Variants in TMEM254 observed in about 807,000 individuals in gnomAD.
TMEM254 encodes the protein transmembrane protein 254, also known as transmembrane protein C10orf57.
In TMEM254, 16 loss-of-function variants were observed where a neutral mutation model predicts 13.9. The observed-to-expected ratio is 1.15, with a 90% CI of 0.78 to 1.75. TMEM254 has a LOEUF of 1.75. TMEM254 is among the 40% of genes most tolerant of loss of function. The probability of loss-of-function intolerance (pLI) is 0.00; values close to 1 mark genes in which losing one functional copy is unlikely to be tolerated. For synonymous variants in TMEM254, 61 were observed against 56.4 expected (o/e 1.08, Z -0.36); for missense variants, 155 against 149.0 (o/e 1.04, Z -0.21).
rs182054597 is a variant in TMEM254 at position 80,086,331 on chromosome 10, C to T, written c.251+4127C>T. On this transcript the variant is annotated intron_variant, in intron 3 of 3. Coordinates refer to ENST00000372281, the MANE Select transcript of TMEM254 (RefSeq NM_025125.4). ...CGGGTTACCTAGCCACCAACTGTGACCCTTCTGAAGGAGGAGGAAACAAGC... is the reference window on the plus strand; with the variant it reads ...CGGGTTACCTAGCCACCAACTGTGATCCTTCTGAAGGAGGAGGAAACAAGC... The T allele has an allele frequency of 2.2e-3, 2,574 of 1,184,382 alleles. 7 individuals are homozygous for T. The highest frequency in any genetic ancestry group is 2.5e-3 in the Non-Finnish European group (2,255 of 893,366). The allele number at this position is 1,184,382 out of a possible 1,614,324, so 73.4% of individuals were successfully genotyped here.
At chr10:80,090,460 G>A (rs1291761457) in intron 3 of TMEM254, 1 of 716,440 alleles carries the variant, frequency 1.4e-6, no homozygotes, top group South Asian at 1.5e-5. Flanking sequence ...ATTTATATCT[G>A]GTCTATTTGC....
chr10:80,087,634 C>G (rs1844380515), intron 3 of TMEM254, among the ~76,000 whole-genome samples: 1 of 152,118 alleles, frequency 6.6e-6, no homozygotes, highest in Non-Finnish European at 1.5e-5. Context: ...GCCTGGGCAA[C>G]AGAGCAAGAC....
At chr10:80,082,321 G>T in intron 3 of TMEM254, 117 bp downstream of exon 3, 4 of 1,210,876 alleles carry the variant, frequency 3.3e-6, no homozygotes, top group Non-Finnish European at 4.8e-6. Flanking sequence ...AGGGTAGAGC[G>T]GAATCCCCAT....
rs1843781511 is a variant in TMEM254, at chr10:80,078,786, A to G, written c.87A>G (p.Thr29=). Reference sequence around the variant, plus strand: ...TCACCCTCAGCTTTGGCTACTACACAGTAAGGACAGCCGCTGGAGCGCTAC... The same window carrying G: ...TCACCCTCAGCTTTGGCTACTACACGGTAAGGACAGCCGCTGGAGCGCTAC... ...TVITLSFGYY[T]WVVFWPQSIP... Residue 29 remains threonine, a splice_region_variant and synonymous_variant, in exon 1 of 4, where the codon ACA becomes ACG. Transcript: ENST00000372281. 2 of 1,600,598 alleles carry G rather than the reference A, an allele frequency of 1.2e-6. No individual in the cohort carries two copies. The highest frequency in any genetic ancestry group is 1.3e-5 in the African/African-American group (1 of 74,668).
Position 80,092,413 on chromosome 10 carries a change from A to G in TMEM254, c.*1496A>G, listed in dbSNP as rs142228076. 2.0e-5 allele frequency: 3 copies of G among 152,336 alleles called. No individual in the cohort carries two copies. The East Asian group carries it at 5.8e-4, about 29-fold the overall frequency. The allele number at this position is 152,336 out of a possible 1,614,324, so 9.4% of individuals were successfully genotyped here. On this transcript the variant is annotated 3_prime_UTR_variant, in exon 4 of 4. Transcript: ENST00000372281. The stretch of plus-strand genomic sequence containing the variant: ...ATTTTTAACCATAGAGTTAGGCATC[A>G]TGGAAATTCAAACCAGATTTCTTAA...
chr10:80,079,089 G>A (rs1843806763), intron 1 of TMEM254: 1 of 1,406,718 alleles, frequency 7.1e-7, no homozygotes, highest in Non-Finnish European at 9.5e-7. Context: ...CAAGAGGATG[G>A]TGAAGTCGGA....
intron 3 of TMEM254, among the ~76,000 whole-genome samples, chr10:80,089,203 A>G (rs1844458310): frequency 6.6e-6 from 1 of 152,032 alleles, no homozygotes; most frequent in Non-Finnish European, 1.5e-5. Context: ...TTCTTCCCTT[A>G]TTCTACTAGC....
At chr10:80,087,512 G>T (rs1844374501) in intron 3 of TMEM254, among the ~76,000 whole-genome samples, 1 of 151,894 alleles carries the variant, frequency 6.6e-6, no homozygotes, top group South Asian at 2.1e-4. Flanking sequence ...AATTAGCAGG[G>T]CGTGGTAGCG....
intron 1 of TMEM254, 138 bp downstream of exon 1, chr10:80,078,924 G>A (rs904741412): frequency 1.7e-5 from 26 of 1,522,500 alleles, no homozygotes; most frequent in Middle Eastern, 1.7e-4. Flanking sequence ...GGAGCGGAGG[G>A]GAGGGGACCA....
At chr10:80,086,425 A>G (rs1844316535) in intron 3 of TMEM254, 1 of 396,546 alleles carries the variant, frequency 2.5e-6, no homozygotes, top group East Asian at 3.9e-5. Flanking sequence ...TAAATATCAT[A>G]CACATTTACA....
intron 1 of TMEM254, among the ~76,000 whole-genome samples, chr10:80,079,990 T>C (rs890161481): frequency 5.3e-5 from 8 of 152,370 alleles, no homozygotes; most frequent in Non-Finnish European, 5.9e-5. Context: ...ATCCTGGAGA[T>C]TGGAGATTTG....
chr10:80,079,198 T>TGGGGTGGGGGGGGGGGG, intron 1 of TMEM254: 1 of 322,172 alleles, frequency 3.1e-6, no homozygotes, highest in Non-Finnish European at 5.3e-6. Context: ...AGGCGTGGGG[T>TGGGGTGGGGGGGGGGGG]GGGGCGGGGC....
chr10:80,079,797 C>T (rs760649054), intron 1 of TMEM254: 8 of 636,676 alleles, frequency 1.3e-5, no homozygotes, highest in Non-Finnish European at 1.6e-5. Context: ...ACTGCAACCT[C>T]TGCTTCCCAG....
chr10:80,080,170 C>G (rs547761438), intron 1 of TMEM254, among the ~76,000 whole-genome samples: 1 of 152,276 alleles, frequency 6.6e-6, no homozygotes, highest in African/African-American at 2.4e-5. Context: ...TTGGGGACTT[C>G]AAATTGGGAT....
At chr10:80,087,852 A>G (rs1844389876) in intron 3 of TMEM254, among the ~76,000 whole-genome samples, 1 of 152,106 alleles carries the variant, frequency 6.6e-6, no homozygotes, top group Non-Finnish European at 1.5e-5. Context: ...GATCTTGAGT[A>G]CTTTGTCCTT....
In TMEM254 at chr10:80,092,201, T is replaced by C. The variant is rs1178198857; in HGVS notation, c.*1284T>C. The C allele has an allele frequency of 6.6e-6, 1 of 152,218 alleles. No homozygotes were observed. Among genetic ancestry groups the C allele is most frequent in the East Asian group, 1.9e-4 (1 of 5,192 alleles). The allele number at this position is 152,218 out of a possible 1,614,324, so 9.4% of individuals were successfully genotyped here. On this transcript the variant is annotated 3_prime_UTR_variant, in exon 4 of 4. Coordinates refer to ENST00000372281, the MANE Select transcript of TMEM254 (RefSeq NM_025125.4). Reference sequence around the variant, plus strand: ...CCTTCTGTGGTACAGTGGGGCAAATTATTTGTATTAAGCAAACATTTATGG... The same window carrying C: ...CCTTCTGTGGTACAGTGGGGCAAATCATTTGTATTAAGCAAACATTTATGG...
At position 80,091,025 on chromosome 10, in the gene TMEM254, CTG is replaced by C; in HGVS notation, c.*110_*111del. 3 of 1,446,360 alleles carry C rather than the reference CTG, an allele frequency of 2.1e-6. No homozygotes were observed. Among genetic ancestry groups the C allele is most frequent in the Non-Finnish European group, 2.8e-6 (3 of 1,077,228 alleles). The allele number at this position is 1,446,360 out of a possible 1,614,324, so 89.6% of individuals were successfully genotyped here. ...CAGTGATCTTTCTACTTTCTAGAAA[CTG>C]TCCTTCAAAGCTCTTTAAGACCCCC... On this transcript the variant is annotated 3_prime_UTR_variant, in exon 4 of 4. Coordinates refer to ENST00000372281, the MANE Select transcript of TMEM254 (RefSeq NM_025125.4).
At chr10:80,079,889 G>T (rs936581563) in intron 1 of TMEM254, among the ~76,000 whole-genome samples, 30 of 152,158 alleles carry the variant, frequency 2.0e-4, no homozygotes, top group African/African-American at 6.3e-4. Flanking sequence ...GTAGACATGG[G>T]TATTGGTGAG....
intron 1 of TMEM254, chr10:80,079,394 C>T: frequency 9.0e-7 from 1 of 1,105,796 alleles, no homozygotes; most frequent in Non-Finnish European, 1.1e-6. Flanking sequence ...TGGTTACTAA[C>T]GGGTTATCCG....
Sources: gnomAD v4.1 joint callset for allele counts (sites outside exome capture counted in the v4.1 genomes callset) on GRCh38, gnomAD v4.1.1 for gene constraint, MANE v1.5 for transcripts, NCBI Gene and HGNC (gene_info 2026-07-23, HGNC 2026-07-21) for gene names.